The following SMARCA2 variants were observed in gnomAD, a reference collection of about 807,000 sequenced individuals.
The protein encoded by SMARCA2 is SWI/SNF-related matrix-associated actin-dependent regulator of chromatin subfamily A member 2.
In SMARCA2, 61 loss-of-function variants were observed where a neutral mutation model predicts 199.8. That is an observed-to-expected ratio of 0.31 (90% CI 0.25 to 0.38). The LOEUF (loss-of-function observed/expected upper bound fraction) is 0.38. Among genes scored for constraint, SMARCA2 ranks in the 10% least tolerant of loss-of-function variants. The pLI, the probability that SMARCA2 is intolerant of heterozygous loss-of-function variation, is 1.00. For missense variants in SMARCA2, 1,344 were observed against 2,012.2 expected (o/e 0.67, Z 6.35); for synonymous variants, 935 against 732.0 (o/e 1.28, Z -4.48).
chr9:2,054,922 T>C (rs1409795689), intron 6 of SMARCA2, among the ~76,000 whole-genome samples, 199 bp downstream of exon 6: 3 of 152,248 alleles, frequency 2.0e-5, no homozygotes, highest in Non-Finnish European at 2.9e-5. Context: ...TCTGGTTTTC[T>C]CTTCTGTATA....
chr9:2,130,577 G>T (rs1823899012), intron 27 of SMARCA2, among the ~76,000 whole-genome samples: 1 of 152,128 alleles, frequency 6.6e-6, no homozygotes, highest in African/African-American at 2.4e-5. Flanking sequence ...ATATTAACAT[G>T]GTTAACAAAT....
chr9:2,073,412 G>A (rs2130427113), intron 11 of SMARCA2, 70 bp downstream of exon 11: 6 of 1,589,410 alleles, frequency 3.8e-6, no homozygotes, highest in South Asian at 1.1e-5. Flanking sequence ...GTACGATCTC[G>A]AAACTAAAAC....
chr9:2,143,565 C>T (rs1288545235), intron 27 of SMARCA2, among the ~76,000 whole-genome samples: 3 of 152,122 alleles, frequency 2.0e-5, no homozygotes, highest in African/African-American at 4.8e-5. Flanking sequence ...CGTCTGACAG[C>T]AGGGAGACCA....
chr9:2,159,104 T>C (rs1225239466), intron 27 of SMARCA2: 1 of 1,171,184 alleles, frequency 8.5e-7, no homozygotes, highest in Non-Finnish European at 1.2e-6. Context: ...TTTCGCTTCT[T>C]AGCTACTCAC....
chr9:2,106,293 C>G (rs1390852550), intron 23 of SMARCA2, among the ~76,000 whole-genome samples: 3 of 152,192 alleles, frequency 2.0e-5, no homozygotes, highest in Admixed American at 6.5e-5. Context: ...GGCTTCTTCT[C>G]TAGCTACAAC....
intron 27 of SMARCA2, among the ~76,000 whole-genome samples, chr9:2,129,372 C>T (rs1024565300): frequency 1.3e-5 from 2 of 152,152 alleles, no homozygotes; most frequent in Admixed American, 6.6e-5. Flanking sequence ...GAGCCGAGAT[C>T]GTGCCATTGC....
chr9:2,141,197 C>G (rs1189378219), intron 27 of SMARCA2, among the ~76,000 whole-genome samples: 1 of 151,822 alleles, frequency 6.6e-6, no homozygotes, highest in Non-Finnish European at 1.5e-5. Context: ...CTCAGTATAT[C>G]TACTATCTCC....
intron 6 of SMARCA2, 87 bp downstream of exon 6, chr9:2,054,810 C>T (rs1820279104): frequency 2.2e-6 from 3 of 1,354,242 alleles, no homozygotes; most frequent in Non-Finnish European, 3.1e-6. Context: ...TTAGTCTATT[C>T]AATATTGTTA....
chr9:2,082,541 C>G (rs565215527), intron 15 of SMARCA2, among the ~76,000 whole-genome samples: 1 of 152,314 alleles, frequency 6.6e-6, no homozygotes, highest in African/African-American at 2.4e-5. Flanking sequence ...TTCGCCATTA[C>G]GTTCCCAGTG....
chr9:2,040,030 A>G (rs1469982991), intron 4 of SMARCA2, 130 bp downstream of exon 4: 3 of 1,479,012 alleles, frequency 2.0e-6, no homozygotes, highest in African/African-American at 1.4e-5. Flanking sequence ...CTGGCTCTCT[A>G]TCCTTGCTCC....
rs1046917367 is a variant in SMARCA2 at position 2,047,314 on chromosome 9, C to T, written c.876C>T (p.Pro292=). The T allele has an allele frequency of 1.2e-5, 12 of 1,024,004 alleles. No homozygotes were observed. In the Admixed American group the frequency reaches 6.1e-4, roughly 52 times the overall value. The allele number at this position is 1,024,004 out of a possible 1,614,324, so 63.4% of individuals were successfully genotyped here. A position where few individuals can be genotyped will look rare whatever the true frequency, so the allele number is the denominator to read the frequency against. Residue 292 remains proline (P), a synonymous_variant, in exon 5 of 34, where the codon CCC becomes CCT. Coordinates refer to ENST00000349721, the MANE Select transcript of SMARCA2 (RefSeq NM_003070.5). ...GCGGCCGGCCCTCGCCCGCGCCCCC[C>T]GCAGCCGCGCAGCCGCCCGCGGCCG... The part of the protein sequence containing the change: ...APGGRPSPAP[P]AAAQPPAAAV...
In SMARCA2 at chr9:2,170,241, G is replaced by C. The variant is rs1826173324; in HGVS notation, c.4200-178G>C. On this transcript the variant is annotated intron_variant, in intron 28 of 33. Coordinates refer to ENST00000349721, the MANE Select transcript of SMARCA2 (RefSeq NM_003070.5). This position sits in a 1 kb window ranked among gnomAD's most constrained non-coding sequence, Gnocchi z 4.7. ...AAATCCACTTCCCCCACCATTTTTA[G>C]AGAACTATGTTATTTTTCCGAATGA... is the stretch of plus-strand genomic sequence containing the variant. Among the ~76,000 whole-genome samples the C allele has an allele frequency of 6.6e-6, 1 of 152,150 alleles. No homozygotes were observed. Among genetic ancestry groups the C allele is most frequent in the Non-Finnish European group, 1.5e-5 (1 of 68,014 alleles).
chr9:2,035,972 G>A (rs1453160225), intron 3 of SMARCA2, among the ~76,000 whole-genome samples: 3 of 152,090 alleles, frequency 2.0e-5, no homozygotes, highest in Admixed American at 2.0e-4. Flanking sequence ...TAAAAACACA[G>A]GAACAGAGAG....
rs1283508944 is a variant in SMARCA2, at chr9:2,077,673, G to A, written c.2081G>A (p.Ser694Asn). The A allele has an allele frequency of 6.2e-7, 1 of 1,614,010 alleles. No individual in the cohort carries two copies. The highest frequency in any genetic ancestry group is 8.5e-7 in the Non-Finnish European group (1 of 1,179,996). ...GATGATGAATACAGCATGCAGTACA[G>A]TGCCAGGGGCTCCCAGTCCTACTAC... is the stretch of plus-strand genomic sequence containing the variant. ...DVDDEYSMQY[S>N]ARGSQSYYTV... is the part of the protein sequence containing the mutation. The change falls in exon 14 of 34, where the codon AGT (serine) becomes AAT (asparagine). Residue 694 changes from serine to asparagine, a missense_variant. Physicochemically the swap from Ser to Asn is conservative, Grantham distance 46. Coordinates refer to ENST00000349721, the MANE Select transcript of SMARCA2 (RefSeq NM_003070.5).
At chr9:2,091,255 T>A (rs1268726509) in intron 19 of SMARCA2, among the ~76,000 whole-genome samples, 5 of 152,194 alleles carry the variant, frequency 3.3e-5, no homozygotes, top group African/African-American at 1.2e-4. Context: ...TGGTACTACT[T>A]CTTTTCAGTG....
At chr9:2,133,608 A>C (rs1586738943) in intron 27 of SMARCA2, among the ~76,000 whole-genome samples, 1 of 151,708 alleles carries the variant, frequency 6.6e-6, no homozygotes, top group East Asian at 1.9e-4. Context: ...TAGTTTTTTT[A>C]ATCAATAAGG....
chr9:2,187,963 G>C (rs1021761720), intron 32 of SMARCA2, among the ~76,000 whole-genome samples: 1 of 151,910 alleles, frequency 6.6e-6, no homozygotes, highest in Non-Finnish European at 1.5e-5. Context: ...AAATTTATGT[G>C]TGGAAAAAAA....
rs1818357349 is a variant in SMARCA2 at position 2,016,453 on chromosome 9, C to G, written c.-37+1049C>G. ...CGTGTTCTTTTGCTTCGCGTCTTCC[C>G]CTTGCTTGCGCCGCGGGAGCTGCGG... On this transcript the variant is annotated intron_variant, in intron 1 of 33. Coordinates refer to ENST00000349721, the MANE Select transcript of SMARCA2 (RefSeq NM_003070.5). This position sits in a 1 kb window ranked among gnomAD's most constrained non-coding sequence, Gnocchi z 5.6. The G allele has an allele frequency of 6.6e-6, 1 of 152,494 alleles. No individual in the cohort carries two copies. Among genetic ancestry groups the G allele is most frequent in the African/African-American group, 2.4e-5 (1 of 41,454 alleles). The allele number at this position is 152,494 out of a possible 1,614,324, so 9.4% of individuals were successfully genotyped here. A position where few individuals can be genotyped will look rare whatever the true frequency, so the allele number is the denominator to read the frequency against.
At chr9:2,158,519 C>A (rs1825492974) in intron 27 of SMARCA2, 1 of 157,898 alleles carries the variant, frequency 6.3e-6, no homozygotes, top group Non-Finnish European at 1.4e-5. Context: ...AGGGCTCGCA[C>A]TCTTGCGCAA....
Sources: allele counts gnomAD v4.1 joint callset (sites outside exome capture counted in the v4.1 genomes callset), GRCh38; gene constraint gnomAD v4.1.1; non-coding constraint Gnocchi (gnomAD v3.1); transcripts MANE v1.5; gene names NCBI Gene and HGNC (gene_info 2026-07-23, HGNC 2026-07-21).